The following PTPRM variants were observed in gnomAD, a reference collection of about 807,000 sequenced individuals.
The protein encoded by PTPRM is protein tyrosine phosphatase receptor type M, also known as receptor-type tyrosine-protein phosphatase mu.
Under a neutral mutation model 186.7 loss-of-function variants are expected in PTPRM, and 47 were observed. That is an observed-to-expected ratio of 0.25 (90% confidence interval 0.20 to 0.32). The LOEUF (loss-of-function observed/expected upper bound fraction) is 0.32. Ranked by LOEUF, PTPRM falls within the 10% of genes least tolerant of loss-of-function variation. The probability of loss-of-function intolerance (pLI) is 1.00; values close to 1 mark genes in which losing one functional copy is unlikely to be tolerated. For missense variants in PTPRM, 1,494 were observed against 1,865.0 expected (o/e 0.80, Z 3.66); for synonymous variants, 668 against 674.9 (o/e 0.99, Z 0.16).
intron 7 of PTPRM, among the ~76,000 whole-genome samples, chr18:8,067,547 TC>T (rs1331782242): frequency 2.0e-5 from 3 of 152,224 alleles, no homozygotes; most frequent in African/African-American, 7.2e-5. Context: ...TCTTTATTAA[TC>T]CCATTTTATG....
intron 20 of PTPRM, among the ~76,000 whole-genome samples, chr18:8,301,499 A>G (rs2147922368): frequency 6.6e-6 from 1 of 152,284 alleles, no homozygotes; most frequent in Middle Eastern, 3.4e-3. Flanking sequence ...TGGCAATTGG[A>G]GATAATGAGC....
chr18:8,357,470 C>T (rs1053505754), intron 23 of PTPRM, among the ~76,000 whole-genome samples: 2 of 152,206 alleles, frequency 1.3e-5, no homozygotes, highest in Admixed American at 1.3e-4. Context: ...CCGGTGAGCA[C>T]ATTTCCGTGT....
intron 23 of PTPRM, among the ~76,000 whole-genome samples, chr18:8,347,480 A>G (rs575778849): frequency 2.6e-5 from 4 of 152,266 alleles, no homozygotes; most frequent in East Asian, 1.9e-4. Context: ...ATAATTACAC[A>G]CTAAAGCCCA....
intron 11 of PTPRM, among the ~76,000 whole-genome samples, chr18:8,092,440 T>A (rs1251235952): frequency 2.0e-5 from 3 of 152,066 alleles, no homozygotes; most frequent in Non-Finnish European, 4.4e-5. Context: ...TTGAGACAGG[T>A]TCTCACTCTA....
chr18:7,907,045 C>T (rs937732277), intron 4 of PTPRM, among the ~76,000 whole-genome samples: 3 of 152,150 alleles, frequency 2.0e-5, no homozygotes, highest in African/African-American at 7.2e-5. Context: ...ACCTAAACCA[C>T]CTGGGGACCC....
chr18:8,271,742 C>G (rs182779145), intron 19 of PTPRM, among the ~76,000 whole-genome samples: 445 of 152,074 alleles, frequency 2.9e-3, no homozygotes, highest in Non-Finnish European at 4.7e-3. Flanking sequence ...TGAATTTCTA[C>G]ATTTTATCTT....
rs568351371 is a variant in PTPRM at position 8,205,461 on chromosome 18, GCTTT to G, written c.2301-38592_2301-38589del. ...AAACTACACTGAGTCCTTTGGGTTT[GCTTT>G]CTTTATTTCTTTATTATATGTTTAA... On this transcript the variant is annotated intron_variant, in intron 14 of 32. Coordinates refer to ENST00000580170, the MANE Select transcript of PTPRM (RefSeq NM_001105244.2). 3.1e-3 allele frequency among the ~76,000 whole-genome samples: 467 copies of G among 152,076 alleles called. 1 individual carries two copies. Among genetic ancestry groups the G allele is most frequent in the African/African-American group, 0.01 (435 of 41,488 alleles).
chr18:8,201,826 A>G (rs904272374), intron 14 of PTPRM, among the ~76,000 whole-genome samples: 5 of 152,182 alleles, frequency 3.3e-5, no homozygotes, highest in Admixed American at 3.3e-4. Flanking sequence ...GGGATTCGAC[A>G]TATGAATTTT....
intron 7 of PTPRM, among the ~76,000 whole-genome samples, chr18:8,030,864 A>G (rs2085919754): frequency 6.6e-6 from 1 of 152,188 alleles, no homozygotes; most frequent in African/African-American, 2.4e-5. Context: ...AAAATCACAA[A>G]TTCTGTGTCA....
intron 7 of PTPRM, among the ~76,000 whole-genome samples, chr18:8,055,450 T>G (rs1435056873): frequency 6.6e-6 from 1 of 152,242 alleles, no homozygotes; most frequent in Non-Finnish European, 1.5e-5. Flanking sequence ...TCCTATCCAT[T>G]GAGGTTTTTG....
intron 1 of PTPRM, among the ~76,000 whole-genome samples, chr18:7,583,511 G>A (rs1335241645): frequency 6.6e-6 from 1 of 152,152 alleles, no homozygotes; most frequent in East Asian, 1.9e-4. Flanking sequence ...TTAAGAATTT[G>A]GTACAGTTTC....
intron 2 of PTPRM, among the ~76,000 whole-genome samples, chr18:7,875,031 A>C (rs552282908): frequency 6.6e-6 from 1 of 152,050 alleles, no homozygotes; most frequent in East Asian, 2.0e-4. Context: ...CGTCTCTACT[A>C]AAAATAAAAA....
At chr18:7,580,604 C>A (rs1567965578) in intron 1 of PTPRM, among the ~76,000 whole-genome samples, 1 of 152,134 alleles carries the variant, frequency 6.6e-6, no homozygotes, top group Non-Finnish European at 1.5e-5. Flanking sequence ...ATATATTGAG[C>A]ACTAAGTATG....
At chr18:8,159,838 G>A (rs2093194764) in intron 14 of PTPRM, among the ~76,000 whole-genome samples, 1 of 151,948 alleles carries the variant, frequency 6.6e-6, no homozygotes, top group South Asian at 2.1e-4. Context: ...GTGCAGCACT[G>A]GACTTTGAAC....
chr18:8,007,133 G>A (rs1315256182), intron 7 of PTPRM, among the ~76,000 whole-genome samples: 1 of 152,160 alleles, frequency 6.6e-6, no homozygotes, highest in South Asian at 2.1e-4. Flanking sequence ...GTAGGACCTA[G>A]GAATCTGCAG....
intron 19 of PTPRM, among the ~76,000 whole-genome samples, chr18:8,257,435 C>T (rs1245057353): frequency 6.6e-6 from 1 of 152,102 alleles, no homozygotes; most frequent in Non-Finnish European, 1.5e-5. Context: ...CATTCCTGTA[C>T]TTGGATGGAG....
rs553953732 is a variant in PTPRM, at chr18:8,121,386, AT to A, written c.2167+6566del. ...GTAAGCCTGTCCTTAATTTTCCAAT[AT>A]TTTTTTGCATCATTTTCCAGCTGTA... On this transcript the variant is annotated intron_variant, in intron 13 of 32. Coordinates refer to ENST00000580170, the MANE Select transcript of PTPRM (RefSeq NM_001105244.2). 3.9e-5 allele frequency among the ~76,000 whole-genome samples: 6 copies of A among 152,056 alleles called. No homozygotes were observed. In the East Asian group the frequency reaches 5.8e-4, roughly 15 times the overall value.
At chr18:7,800,215 C>CTA (rs1284701800) in intron 2 of PTPRM, among the ~76,000 whole-genome samples, 3 of 152,190 alleles carry the variant, frequency 2.0e-5, no homozygotes, top group African/African-American at 7.2e-5. Flanking sequence ...AAAGCATACA[C>CTA]TAAATCTATT....
At chr18:7,601,042 G>T (rs1173549224) in intron 1 of PTPRM, among the ~76,000 whole-genome samples, 18 of 152,222 alleles carry the variant, frequency 1.2e-4, no homozygotes, top group Non-Finnish European at 2.6e-4. Flanking sequence ...CCCTCTGTTG[G>T]TTCAAGATCC....
Sources: allele counts gnomAD v4.1 joint callset (sites outside exome capture counted in the v4.1 genomes callset), GRCh38; gene constraint gnomAD v4.1.1; transcripts MANE v1.5; gene names NCBI Gene and HGNC (gene_info 2026-07-23, HGNC 2026-07-21).